Variants in MDM4 observed in about 807,000 individuals in gnomAD.
The protein encoded by MDM4 is MDM4 regulator of p53.
Under a neutral mutation model 60.2 loss-of-function variants are expected in MDM4, and 2 were observed. The observed-to-expected ratio is 0.03, with a 90% CI of 0.01 to 0.10. MDM4 has a LOEUF of 0.10. Ranked by LOEUF, MDM4 falls within the 10% of genes least tolerant of loss-of-function variation. MDM4 has a pLI of 1.00. For missense variants in MDM4, 447 were observed against 577.5 expected, an observed-to-expected ratio of 0.77 and a Z score of 2.32; for synonymous variants, 202 against 198.1, an observed-to-expected ratio of 1.02 and a Z score of -0.17.
intron 5 of MDM4, chr1:204,532,489 A>G: frequency 3.6e-6 from 2 of 559,444 alleles, no homozygotes; most frequent in South Asian, 5.1e-5. Flanking sequence ...TGCTTCATCT[A>G]GACACACTTT....
In MDM4 at chr1:204,554,057, G is replaced by C. The variant is rs535166751; in HGVS notation, c.*4375G>C. Reference sequence around the variant, plus strand: ...TGTAGTGCATTGTGTGGTATTATTTGGTTTGTAAGAATTTATTTTTAAGGG... The same window carrying C: ...TGTAGTGCATTGTGTGGTATTATTTCGTTTGTAAGAATTTATTTTTAAGGG... On this transcript the variant is annotated 3_prime_UTR_variant, in exon 11 of 11. Transcript: ENST00000367182. 2.6e-5 allele frequency: 6 copies of C among 227,426 alleles called. No homozygotes were observed. The South Asian group carries it at 1.1e-3, about 42-fold the overall frequency. The allele number at this position is 227,426 out of a possible 1,614,324, so 14.1% of individuals were successfully genotyped here.
rs1388458040 is a variant in MDM4 at position 204,516,456 on chromosome 1, A to AC, written c.-85dup. ...CGAGGCCCTAGGATCTGTGACTGCCACCCCTCCCCCCACCCGGGCTCGGCG... is the reference window on the plus strand; with the variant it reads ...CGAGGCCCTAGGATCTGTGACTGCCACCCCCTCCCCCCACCCGGGCTCGGCG... On this transcript the variant is annotated 5_prime_UTR_variant, in exon 1 of 11. Transcript: ENST00000367182. The AC allele has an allele frequency of 6.6e-6, 1 of 151,806 alleles. No individual in the cohort carries two copies. The highest frequency in any genetic ancestry group is 2.4e-5 in the African/African-American group (1 of 41,268). The allele number at this position is 151,806 out of a possible 1,614,324, so 9.4% of individuals were successfully genotyped here. A position where few individuals can be genotyped will look rare whatever the true frequency, so the allele number is the denominator to read the frequency against.
At chr1:204,546,157 C>T (rs1238164697) in intron 9 of MDM4, among the ~76,000 whole-genome samples, 1 of 151,836 alleles carries the variant, frequency 6.6e-6, no homozygotes, top group African/African-American at 2.4e-5. Flanking sequence ...AAAAATTGCA[C>T]GTTTAACAAT....
chr1:204,543,446 A>G (rs1237904914), intron 8 of MDM4, among the ~76,000 whole-genome samples: 3 of 152,170 alleles, frequency 2.0e-5, no homozygotes, highest in Admixed American at 1.3e-4. Context: ...TTTGTTCACT[A>G]CATGCGTTTT....
intron 8 of MDM4, 70 bp from the exon 9 acceptor site, chr1:204,544,465 A>C (rs1335674795): frequency 6.7e-7 from 1 of 1,495,180 alleles, no homozygotes; most frequent in South Asian, 1.3e-5. Context: ...TTTTGGGTTC[A>C]TTTGTGTTGT....
At position 204,548,360 on chromosome 1, in the gene MDM4, G is replaced by A. The variant is rs995611808; in HGVS notation, c.904-753G>A. On this transcript the variant is annotated intron_variant, in intron 10 of 10. Transcript: ENST00000367182. The stretch of plus-strand genomic sequence containing the variant: ...CAATTGAGTTATGACTTCTAGACTT[G>A]AAGTGCTTGGCCTTTGACCTAAAAG... 2.0e-5 allele frequency among the ~76,000 whole-genome samples: 3 copies of A among 152,218 alleles called. No homozygotes were observed. The South Asian group carries it at 6.2e-4, about 32-fold the overall frequency.
rs1660922638 is a variant in MDM4, at chr1:204,532,182, C to G, written c.288-9C>G. On this transcript the variant is annotated splice_polypyrimidine_tract_variant and intron_variant, in intron 4 of 10. Coordinates refer to ENST00000367182, the MANE Select transcript of MDM4 (RefSeq NM_002393.5). ...GGGTTGTTAATTTTTTATCTTCTCT[C>G]TTTAACAGCCCTCTCTATGATATGC... The G allele has an allele frequency of 6.3e-7, 1 of 1,579,208 alleles. No homozygotes were observed. Among genetic ancestry groups the G allele is most frequent in the African/African-American group, 1.3e-5 (1 of 74,170 alleles).
At position 204,537,416 on chromosome 1, in the gene MDM4, T is replaced by C; in HGVS notation, c.344-14T>C. On this transcript the variant is annotated splice_polypyrimidine_tract_variant and intron_variant, in intron 5 of 10. Transcript: ENST00000367182. ...ACCAGGGAAGGTTTTCCTTTTGTTT[T>C]ACTTGCTATCCAGATGCTGCTCAGA... 6.2e-7 allele frequency: 1 copy of C among 1,609,536 alleles called. No individual in the cohort carries two copies. The highest frequency in any genetic ancestry group is 8.5e-7 in the Non-Finnish European group (1 of 1,175,942).
chr1:204,538,340 T>C lies in MDM4; in HGVS notation c.511+32T>C. On this transcript the variant is annotated intron_variant, in intron 7 of 10. Transcript: ENST00000367182. ...TTTGGATTAAGGCTATATAGACTTT[T>C]GTTCTCTTCCTCTTCCAACCTTTTT... The C allele has an allele frequency of 2.6e-6, 3 of 1,158,726 alleles. No individual in the cohort carries two copies. In the East Asian group the frequency reaches 7.0e-5, roughly 27 times the overall value. The allele number at this position is 1,158,726 out of a possible 1,614,324, so 71.8% of individuals were successfully genotyped here. A position where few individuals can be genotyped will look rare whatever the true frequency, so the allele number is the denominator to read the frequency against.
rs567500904 is a variant in MDM4 at position 204,555,924 on chromosome 1, C to G, written c.*6242C>G. ...GCCCCTAATTTCTTATCTGAAGGCA[C>G]TGTTTTTTTTTTTAAACAGTTAAGT... On this transcript the variant is annotated 3_prime_UTR_variant, in exon 11 of 11. Transcript: ENST00000367182. 17 of 144,510 alleles carry G rather than the reference C, an allele frequency of 1.2e-4. No homozygotes were observed. The East Asian group carries it at 1.3e-3, about 11-fold the overall frequency. 9.0% of individuals were successfully genotyped at this position (144,510 alleles called of 1,614,324 possible). A position where few individuals can be genotyped will look rare whatever the true frequency, so the allele number is the denominator to read the frequency against.
chr1:204,538,706 C>CTT (rs761804094), intron 7 of MDM4, among the ~76,000 whole-genome samples: 6 of 139,540 alleles, frequency 4.3e-5, no homozygotes, highest in East Asian at 4.1e-4. Context: ...AATTTTCATA[C>CTT]TTTTTTTTTT....
At chr1:204,537,932 G>C in intron 6 of MDM4, 1 of 707,650 alleles carries the variant, frequency 1.4e-6, no homozygotes, top group Admixed American at 1.8e-5. Flanking sequence ...TTTTGTAGTA[G>C]ACTGGAGGGT....
At chr1:204,531,836 A>G (rs1660885499) in intron 4 of MDM4, among the ~76,000 whole-genome samples, 1 of 152,154 alleles carries the variant, frequency 6.6e-6, no homozygotes, top group South Asian at 2.1e-4. Context: ...CCGTCTCCAA[A>G]AAAAAAAGAC....
intron 5 of MDM4, among the ~76,000 whole-genome samples, chr1:204,534,467 C>A (rs1366430872): frequency 6.6e-6 from 1 of 152,044 alleles, no homozygotes; most frequent in African/African-American, 2.4e-5. Flanking sequence ...ATTTAACATG[C>A]CATATAAAGA....
At chr1:204,521,882 G>C (rs1388501667) in intron 1 of MDM4, among the ~76,000 whole-genome samples, 2 of 152,124 alleles carry the variant, frequency 1.3e-5, no homozygotes. Context: ...GTAGTGTTTT[G>C]GTTGGTAAAA....
intron 7 of MDM4, among the ~76,000 whole-genome samples, chr1:204,541,583 A>T (rs1157192557): frequency 6.6e-6 from 1 of 152,224 alleles, no homozygotes; most frequent in Non-Finnish European, 1.5e-5. Flanking sequence ...TAGTATTTTC[A>T]GGAAGACCTA....
Position 204,556,780 on chromosome 1 carries a change from C to G in MDM4, c.*7098C>G. On this transcript the variant is annotated 3_prime_UTR_variant, in exon 11 of 11. Transcript: ENST00000367182. ...TTTTCACTTTCTTTTCAATGAGAAT[C>G]GAAGTGTTTCTTTTGGGTTTTTTTT... is the stretch of plus-strand genomic sequence containing the variant. 4.7e-6 allele frequency: 1 copy of G among 213,904 alleles called. No homozygotes were observed. The highest frequency in any genetic ancestry group is 9.4e-6 in the Non-Finnish European group (1 of 105,822). 13.3% of individuals were successfully genotyped at this position (213,904 alleles called of 1,614,324 possible). A position where few individuals can be genotyped will look rare whatever the true frequency, so the allele number is the denominator to read the frequency against.
At chr1:204,525,697 C>T (rs1331927489) in intron 2 of MDM4, 101 bp downstream of exon 2, 7 of 787,310 alleles carry the variant, frequency 8.9e-6, no homozygotes, top group South Asian at 1.8e-5. Context: ...TTTGAGAAGT[C>T]AAGGCAGGAA....
chr1:204,548,860 C>G (rs1662926880), intron 10 of MDM4, among the ~76,000 whole-genome samples: 1 of 152,052 alleles, frequency 6.6e-6, no homozygotes, highest in Non-Finnish European at 1.5e-5. Flanking sequence ...AGGTAGAAAG[C>G]CACCTTTCTT....
Sources: allele counts gnomAD v4.1 joint callset (sites outside exome capture counted in the v4.1 genomes callset), GRCh38; gene constraint gnomAD v4.1.1; transcripts MANE v1.5; gene names NCBI Gene and HGNC (gene_info 2026-07-23, HGNC 2026-07-21).